ANKRD11: variants seen among roughly 807,000 people sequenced by gnomAD.
The protein encoded by ANKRD11 is ankyrin repeat domain 11.
In ANKRD11, 17 loss-of-function variants were observed where a neutral mutation model predicts 195.7. The observed-to-expected ratio is 0.09, with a 90% confidence interval of 0.06 to 0.13. ANKRD11 has a LOEUF of 0.13. ANKRD11 is among the 10% of genes least tolerant of loss of function. The pLI, the probability that ANKRD11 is intolerant of heterozygous loss-of-function variation, is 1.00. For synonymous variants in ANKRD11, 1,953 were observed against 1,528.1 expected (o/e 1.28, Z -6.49); for missense variants, 3,735 against 3,566.1 (o/e 1.05, Z -1.21).
Position 89,291,882 on chromosome 16 carries a change from T to TA in ANKRD11, c.227-700dup, listed in dbSNP as rs2035084432. On this transcript the variant is annotated intron_variant, in intron 4 of 12. Transcript: ENST00000301030. The surrounding 1 kb of genome is among the most constrained non-coding windows in gnomAD (Gnocchi z 5.3). ...CACACCCTGCACTCATCTGACCCGT[T>TA]ACAGAACACTCGGCTGGCGTCTAAC... 1.4e-6 allele frequency: 1 copy of TA among 719,356 alleles called. No homozygotes were observed. Among genetic ancestry groups the TA allele is most frequent in the Non-Finnish European group, 2.1e-6 (1 of 471,370 alleles). The allele number at this position is 719,356 out of a possible 1,614,324, so 44.6% of individuals were successfully genotyped here. A position where few individuals can be genotyped will look rare whatever the true frequency, so the allele number is the denominator to read the frequency against.
chr16:89,443,797 T>C (rs1173512600), intron 1 of ANKRD11, among the ~76,000 whole-genome samples: 2 of 152,092 alleles, frequency 1.3e-5, no homozygotes, highest in African/African-American at 4.8e-5. Context: ...CAAGATGCAT[T>C]AAGAAACAGA....
chr16:89,377,488 T>C (rs1354475263), intron 2 of ANKRD11, among the ~76,000 whole-genome samples: 1 of 92,662 alleles, frequency 1.1e-5, no homozygotes, highest in Non-Finnish European at 2.2e-5. Flanking sequence ...GCAGGAGGGC[T>C]GGGGGGCGGG....
intron 1 of ANKRD11, among the ~76,000 whole-genome samples, chr16:89,474,459 G>C (rs140263342): frequency 7.5e-6 from 1 of 133,420 alleles, no homozygotes; most frequent in Admixed American, 7.7e-5. Flanking sequence ...TCTACCTTAT[G>C]TAAAAAAAAA....
At chr16:89,475,754 AAAC>A (rs2057237136) in intron 1 of ANKRD11, among the ~76,000 whole-genome samples, 1 of 152,212 alleles carries the variant, frequency 6.6e-6, no homozygotes, top group Non-Finnish European at 1.5e-5. Flanking sequence ...AGGAACACGA[AAAC>A]AACTGACCCC....
chr16:89,350,253 C>G (rs1227961001), intron 2 of ANKRD11, among the ~76,000 whole-genome samples: 1 of 152,182 alleles, frequency 6.6e-6, no homozygotes, highest in Admixed American at 6.5e-5. Context: ...TGAGTGGTCA[C>G]TTTGGAAAAG....
At chr16:89,465,442 C>A (rs372957872) in intron 1 of ANKRD11, among the ~76,000 whole-genome samples, 3 of 152,168 alleles carry the variant, frequency 2.0e-5, no homozygotes, top group African/African-American at 4.8e-5. Flanking sequence ...CGACAGAGAA[C>A]AGGGGCAGCA....
chr16:89,290,870 G>A (rs753791854), intron 5 of ANKRD11, 42 bp from the exon 6 acceptor site: 1 of 1,611,166 alleles, frequency 6.2e-7, no homozygotes, highest in Non-Finnish European at 8.5e-7. Flanking sequence ...ACTGTGGGGT[G>A]GTCCTGCTTT....
chr16:89,393,841 T>C (rs2041309421), intron 2 of ANKRD11, among the ~76,000 whole-genome samples: 1 of 152,106 alleles, frequency 6.6e-6, no homozygotes, highest in Non-Finnish European at 1.5e-5. Context: ...AGGAGACATG[T>C]CAGACAGTGG....
At position 89,278,753 on chromosome 16, in the gene ANKRD11, GGA is replaced by G. The variant is rs575656233; in HGVS notation, c.7470+317_7470+318del. 3,012 of 553,588 alleles carry G rather than the reference GGA, an allele frequency of 5.4e-3. 13 individuals carry two copies. The highest frequency in any genetic ancestry group is 7.9e-3 in the Non-Finnish European group (2,299 of 289,526). The allele number at this position is 553,588 out of a possible 1,614,324, so 34.3% of individuals were successfully genotyped here. A position where few individuals can be genotyped will look rare whatever the true frequency, so the allele number is the denominator to read the frequency against. On this transcript the variant is annotated intron_variant, in intron 9 of 12. Coordinates refer to ENST00000301030, the MANE Select transcript of ANKRD11 (RefSeq NM_013275.6). ...GAGGCCGTCCTGGTGGACGGGGAGT[GGA>G]GAGGGGAGAGTGAGCGGCGTGAAGG... is the stretch of plus-strand genomic sequence containing the variant.
intron 9 of ANKRD11, among the ~76,000 whole-genome samples, chr16:89,277,012 C>T (rs367885670): frequency 1.8e-4 from 27 of 150,798 alleles, no homozygotes; most frequent in Admixed American, 1.1e-3. Flanking sequence ...GCCGACATCA[C>T]GCCACTGCAC....
chr16:89,290,536 C>T, intron 6 of ANKRD11, 89 bp downstream of exon 6: 2 of 1,378,644 alleles, frequency 1.5e-6, no homozygotes, highest in South Asian at 1.2e-5. Flanking sequence ...AGGCTCAGGG[C>T]TCCAATGGGG....
At chr16:89,310,796 G>A (rs1167832505) in intron 3 of ANKRD11, among the ~76,000 whole-genome samples, 2 of 152,226 alleles carry the variant, frequency 1.3e-5, no homozygotes, top group Admixed American at 1.3e-4. Context: ...GGAACACCAT[G>A]CTACGCTCAC....
intron 2 of ANKRD11, among the ~76,000 whole-genome samples, chr16:89,378,088 A>G (rs2040498121): frequency 6.6e-6 from 1 of 152,128 alleles, no homozygotes; most frequent in Non-Finnish European, 1.5e-5. Context: ...GGTGGCTCAC[A>G]CTTATAATCC....
chr16:89,455,581 G>A (rs2056398266), intron 1 of ANKRD11, among the ~76,000 whole-genome samples: 1 of 152,008 alleles, frequency 6.6e-6, no homozygotes, highest in Non-Finnish European at 1.5e-5. Flanking sequence ...CAGAACTGTG[G>A]AGTCTAATAA....
At chr16:89,467,176 A>C (rs879835375) in intron 1 of ANKRD11, among the ~76,000 whole-genome samples, 1 of 152,124 alleles carries the variant, frequency 6.6e-6, no homozygotes, top group African/African-American at 2.4e-5. Flanking sequence ...TCATGTCTAT[A>C]ATCCCAGAAC....
chr16:89,317,245 C>A (rs781715491), intron 2 of ANKRD11, among the ~76,000 whole-genome samples, 167 bp from the exon 3 acceptor site: 1 of 152,188 alleles, frequency 6.6e-6, no homozygotes, highest in Non-Finnish European at 1.5e-5. Context: ...GATACGCCTC[C>A]CATAAAGGGG....
Position 89,379,094 on chromosome 16 carries a change from G to T in ANKRD11, c.-60+39190C>A, listed in dbSNP as rs747088786. 9.2e-5 allele frequency among the ~76,000 whole-genome samples: 14 copies of T among 152,366 alleles called. No individual in the cohort carries two copies. In the South Asian group the frequency reaches 2.7e-3, roughly 29 times the overall value. ...CGTCCATGCCCAGAACGTCGGCAGTGCGGACCAGCCCCAGGAAGGCCTTTC... is the reference window on the plus strand; with the variant it reads ...CGTCCATGCCCAGAACGTCGGCAGTTCGGACCAGCCCCAGGAAGGCCTTTC... On this transcript the variant is annotated intron_variant, in intron 2 of 12. Transcript: ENST00000301030.
chr16:89,423,592 G>T (rs2042600085), intron 1 of ANKRD11, among the ~76,000 whole-genome samples: 1 of 152,216 alleles, frequency 6.6e-6, no homozygotes, highest in African/African-American at 2.4e-5. Flanking sequence ...GGTGCCTGCA[G>T]CAGCAGGCAC....
intron 2 of ANKRD11, among the ~76,000 whole-genome samples, chr16:89,332,195 T>G (rs185717686): frequency 6.6e-6 from 1 of 152,260 alleles, no homozygotes; most frequent in Admixed American, 6.5e-5. Context: ...CAGAAATGAC[T>G]TCCTTACGTA....
Sources: gnomAD v4.1 joint callset for allele counts (sites outside exome capture counted in the v4.1 genomes callset) on GRCh38, gnomAD v4.1.1 for gene constraint, Gnocchi (gnomAD v3.1) non-coding constraint, MANE v1.5 for transcripts, NCBI Gene and HGNC (gene_info 2026-07-23, HGNC 2026-07-21) for gene names.